Variants in ESYT1 observed in about 807,000 individuals in gnomAD.
ESYT1 encodes extended synaptotagmin-1.
ESYT1 carries 116 observed loss-of-function variants against 154.2 expected under a neutral mutation model. The ratio of observed to expected loss-of-function variants is 0.75; its 90% confidence interval spans 0.65 to 0.88. The LOEUF (loss-of-function observed/expected upper bound fraction) is 0.88. Among genes scored for constraint, ESYT1 ranks in the 40% least tolerant of loss-of-function variants. The pLI, the probability that ESYT1 is intolerant of heterozygous loss-of-function variation, is 0.00. For missense variants in ESYT1, 1,264 were observed against 1,379.3 expected, an observed-to-expected ratio of 0.92 and a Z score of 1.32; for synonymous variants, 500 against 539.9, an observed-to-expected ratio of 0.93 and a Z score of 1.02.
At position 56,128,873 on chromosome 12, in the gene ESYT1, C is replaced by T. The variant is rs930387293; in HGVS notation, c.390+164C>T. 8.8e-5 allele frequency: 72 copies of T among 815,812 alleles called. 3 individuals are homozygous for T. The South Asian group carries it at 1.2e-3, about 14-fold the overall frequency. 50.5% of individuals were successfully genotyped at this position (815,812 alleles called of 1,614,324 possible). On this transcript the variant is annotated intron_variant, in intron 1 of 30. Transcript: ENST00000394048. ...CCGCCTGCCTGCTGGACGCGCCACT[C>T]TTGGAACCGACTGCTCACTCTCCCC...
Position 56,142,285 on chromosome 12 carries a change from G to T in ESYT1, c.2593G>T (p.Val865Phe). The T allele has an allele frequency of 1.2e-6, 2 of 1,613,896 alleles. No homozygotes were observed. Among genetic ancestry groups the T allele is most frequent in the African/African-American group, 2.7e-5 (2 of 75,032 alleles). Residue 865 changes from valine to phenylalanine, a missense_variant and splice_region_variant, in exon 25 of 31, where the codon GTT (valine) becomes TTT (phenylalanine). Val to Phe is a conservative substitution (Grantham distance 50). Coordinates refer to ENST00000394048, the MANE Select transcript of ESYT1 (RefSeq NM_015292.3). The surrounding 1 kb of genome is among the most constrained non-coding windows in gnomAD (Gnocchi z 4.1). ...TGATCATGGTCCTGTTGCCCCACAG[G>T]TTCGGGGTGAGGGCACTGGCGTGCT... ...KPHTESLELQ[V>F]RGEGTGVLGS...
chr12:56,143,804 A>C lies in ESYT1; in HGVS notation c.3276-19A>C, dbSNP rs1018326837. On this transcript the variant is annotated intron_variant, in intron 30 of 30. Transcript: ENST00000394048. ...GATGACACAAGAGTCATCTTTCTAC[A>C]TGAGCCCTCTTTTCACAGGTATGAC... The C allele has an allele frequency of 5.0e-6, 8 of 1,614,152 alleles. No individual in the cohort carries two copies. Among genetic ancestry groups the C allele is most frequent in the Non-Finnish European group, 6.8e-6 (8 of 1,179,994 alleles).
chr12:56,136,027 T>C (rs1483182390), intron 15 of ESYT1, among the ~76,000 whole-genome samples: 1 of 134,544 alleles, frequency 7.4e-6, no homozygotes, highest in Non-Finnish European at 1.5e-5. Flanking sequence ...AGCACTGCAC[T>C]CTAGCCTGGG....
intron 16 of ESYT1, 124 bp downstream of exon 16, chr12:56,137,017 C>T: frequency 1.5e-6 from 2 of 1,337,176 alleles, no homozygotes; most frequent in Non-Finnish European, 2.0e-6. Flanking sequence ...GCCAAGCAGG[C>T]ACAAAAACAT....
At chr12:56,130,649 T>C in intron 2 of ESYT1, 26 bp downstream of exon 2, 1 of 1,614,116 alleles carries the variant, frequency 6.2e-7, no homozygotes, top group Non-Finnish European at 8.5e-7. Flanking sequence ...ATTTTTAGTC[T>C]TCATGAGGGG....
chr12:56,138,826 C>T lies in ESYT1; in HGVS notation c.2492C>T (p.Ser831Phe), dbSNP rs765628415. Reference sequence around the variant, plus strand: ...GCTACTCTCACTGTGGGAGATAGTTCTCATAAAACCAAGGTATGAAGAAAT... The same window carrying T: ...GCTACTCTCACTGTGGGAGATAGTTTTCATAAAACCAAGGTATGAAGAAAT... Reference protein sequence around the residue: ...PYATLTVGDSSHKTKTISQTS... With the variant: ...PYATLTVGDSFHKTKTISQTS... Residue 831 changes from serine (S) to phenylalanine (F), a missense_variant, in exon 23 of 31, where the codon TCT becomes TTT. Physicochemically the swap from Ser to Phe is radical, Grantham distance 155. Coordinates refer to ENST00000394048, the MANE Select transcript of ESYT1 (RefSeq NM_015292.3). 3 of 1,613,984 alleles carry T rather than the reference C, an allele frequency of 1.9e-6. No individual in the cohort carries two copies. The highest frequency in any genetic ancestry group is 2.7e-5 in the African/African-American group (2 of 74,896).
rs1393335292 is a variant in ESYT1 at position 56,138,792 on chromosome 12, A to G, written c.2458A>G (p.Ser820Gly). ...LPLRKGTKHL[S>G]PYATLTVGDS... ...GCTGCGAAAAGGCACCAAGCACCTC[A>G]GCCCTTATGCTACTCTCACTGTGGG... Residue 820 changes from serine to glycine, a missense_variant, in exon 23 of 31, where the codon AGC becomes GGC. Transcript: ENST00000394048. The G allele has an allele frequency of 6.2e-7, 1 of 1,614,150 alleles. No individual in the cohort carries two copies. The highest frequency in any genetic ancestry group is 8.5e-7 in the Non-Finnish European group (1 of 1,180,060).
intron 24 of ESYT1, among the ~76,000 whole-genome samples, chr12:56,140,906 G>C (rs563057865): frequency 6.6e-6 from 1 of 152,188 alleles, no homozygotes; most frequent in African/African-American, 2.4e-5. Context: ...TTTTGGCACA[G>C]GGTGGCTAGA....
chr12:56,137,996 A>AT, intron 19 of ESYT1, 30 bp from the exon 20 acceptor site: 3 of 1,614,008 alleles, frequency 1.9e-6, no homozygotes, highest in Non-Finnish European at 2.5e-6. Context: ...CTCACCATCT[A>AT]GCTTTTGTCT....
intron 8 of ESYT1, 22 bp from the exon 9 acceptor site, chr12:56,132,397 TCA>T (rs1006656905): frequency 6.2e-7 from 1 of 1,613,960 alleles, no homozygotes; most frequent in Non-Finnish European, 8.5e-7. Context: ...CCTTAGTTTC[TCA>T]CCATCTGATT....
chr12:56,143,525 C>A, intron 29 of ESYT1, 55 bp from the exon 30 acceptor site: 1 of 1,601,296 alleles, frequency 6.2e-7, no homozygotes, highest in South Asian at 1.1e-5. Flanking sequence ...AGAATGAGAT[C>A]CTGTCTCAAA....
chr12:56,131,456 G>T, intron 5 of ESYT1, 21 bp from the exon 6 acceptor site: 1 of 1,613,968 alleles, frequency 6.2e-7, no homozygotes, highest in African/African-American at 1.3e-5. Context: ...GAAAGGCTTT[G>T]ATTTTCTCTT....
chr12:56,131,493 G>A lies in ESYT1; in HGVS notation c.731G>A (p.Arg244Gln), dbSNP rs755640570. The change falls in exon 6 of 31, where the codon CGG becomes CAG. Residue 244 changes from arginine (R) to glutamine (Q), a missense_variant. Physicochemically the swap from Arg to Gln is conservative, Grantham distance 43. Transcript: ENST00000394048. ...TTGCCTCAGCTACATGGCGTTTTGC[G>A]GGTGATACTGGAGCCACTCATTGGG... is the stretch of plus-strand genomic sequence containing the variant. ...VKGMQLHGVLRVILEPLIGDL... is the reference protein window; with the variant it reads ...VKGMQLHGVLQVILEPLIGDL... 3.1e-6 allele frequency: 5 copies of A among 1,614,148 alleles called. No homozygotes were observed. Among genetic ancestry groups the A allele is most frequent in the Non-Finnish European group, 4.2e-6 (5 of 1,180,026 alleles).
Position 56,142,670 on chromosome 12 carries a change from G to C in ESYT1, c.2826G>C (p.Gly942=). The C allele has an allele frequency of 6.2e-7, 1 of 1,614,062 alleles. No individual in the cohort carries two copies. The highest frequency in any genetic ancestry group is 8.5e-7 in the Non-Finnish European group (1 of 1,180,038). The change falls in exon 26 of 31, where the codon GGG becomes GGC. Residue 942 remains glycine (G), a synonymous_variant. Transcript: ENST00000394048. The surrounding 1 kb of genome is among the most constrained non-coding windows in gnomAD (Gnocchi z 4.1). ...SSLSEEPELS[G]GPPHITSSAP... ...TGAGTGAAGAACCAGAGCTCTCGGG[G>C]GGACCCCCTCACATCACCTCCTCAG...
At chr12:56,129,895 G>A (rs2136867808) in intron 1 of ESYT1, among the ~76,000 whole-genome samples, 1 of 151,810 alleles carries the variant, frequency 6.6e-6, no homozygotes, top group Non-Finnish European at 1.5e-5. Context: ...TCTGAGGGGA[G>A]TTGAGAAGGC....
At chr12:56,138,362 G>A (rs2136880668) in intron 21 of ESYT1, 42 bp from the exon 22 acceptor site, 1 of 1,612,114 alleles carries the variant, frequency 6.2e-7, no homozygotes. Context: ...CAGAACCCAA[G>A]GTGTCAGTTA....
rs760137288 is a variant in ESYT1, at chr12:56,138,821, T to C, written c.2487T>C (p.Asp829=). ...CTTATGCTACTCTCACTGTGGGAGA[T>C]AGTTCTCATAAAACCAAGGTATGAA... is the stretch of plus-strand genomic sequence containing the variant. The part of the protein sequence containing the change: ...LSPYATLTVG[D]SSHKTKTISQ... The change falls in exon 23 of 31, where the codon GAT becomes GAC. Residue 829 remains aspartate, a synonymous_variant. Coordinates refer to ENST00000394048, the MANE Select transcript of ESYT1 (RefSeq NM_015292.3). The C allele has an allele frequency of 5.0e-6, 8 of 1,614,030 alleles. No homozygotes were observed. The highest frequency in any genetic ancestry group is 2.2e-5 in the East Asian group (1 of 44,902).
chr12:56,128,741 ATAGCCC>A (rs1373725012), intron 1 of ESYT1, 32 bp downstream of exon 1: 1 of 1,610,340 alleles, frequency 6.2e-7, no homozygotes, highest in Non-Finnish European at 8.5e-7. Flanking sequence ...TCTGTGCAGC[ATAGCCC>A]CCTTCCACCC....
rs563057029 is a variant in ESYT1 at position 56,136,459 on chromosome 12, C to T, written c.1633-285C>T. Among the ~76,000 whole-genome samples the T allele has an allele frequency of 9.2e-5, 14 of 152,068 alleles. 2 individuals are homozygous for T. Among genetic ancestry groups the T allele is most frequent in the African/African-American group, 3.4e-4 (14 of 41,464 alleles). On this transcript the variant is annotated intron_variant, in intron 15 of 30. Coordinates refer to ENST00000394048, the MANE Select transcript of ESYT1 (RefSeq NM_015292.3). ...ACAAAAATTTAGCTGGGCGTGACGG[C>T]ATGCGCCTGTAGTCCCAGCTATTTG... is the stretch of plus-strand genomic sequence containing the variant.
Sources: gnomAD v4.1 joint callset for allele counts (sites outside exome capture counted in the v4.1 genomes callset) on GRCh38, gnomAD v4.1.1 for gene constraint, Gnocchi (gnomAD v3.1) non-coding constraint, MANE v1.5 for transcripts, NCBI Gene and HGNC (gene_info 2026-07-23, HGNC 2026-07-21) for gene names.